Variants in FGF12 observed in about 807,000 individuals in gnomAD.
FGF12 encodes fibroblast growth factor 12.
In FGF12, 14 loss-of-function variants were observed where a neutral mutation model predicts 23.6. That is an observed-to-expected ratio of 0.59 (90% CI 0.39 to 0.93). The LOEUF (loss-of-function observed/expected upper bound fraction) is 0.93, where lower values mean the gene tolerates loss of function less well. Ranked by LOEUF, FGF12 falls within the 40% of genes least tolerant of loss-of-function variation. The pLI is 0.00. For synonymous variants in FGF12, 62 were observed against 77.3 expected (o/e 0.80, Z 1.04); for missense variants, 175 against 217.8 (o/e 0.80, Z 1.24).
At chr3:192,260,682 G>A (rs980650759) in intron 4 of FGF12, among the ~76,000 whole-genome samples, 5 of 152,170 alleles carry the variant, frequency 3.3e-5, no homozygotes, top group African/African-American at 4.8e-5. Context: ...GATTTCTCCA[G>A]AGAAAGTTAT....
intron 2 of FGF12, among the ~76,000 whole-genome samples, chr3:192,661,220 C>CACTAT (rs1235710460): frequency 1.3e-5 from 2 of 152,058 alleles, no homozygotes; most frequent in Admixed American, 1.3e-4. Context: ...ACAAAACTGG[C>CACTAT]ACTATAAAAA....
chr3:192,220,812 T>C (rs1194421687), intron 4 of FGF12, among the ~76,000 whole-genome samples: 2 of 152,234 alleles, frequency 1.3e-5, no homozygotes, highest in East Asian at 1.9e-4. Flanking sequence ...TTGAAGGATT[T>C]TTGAACAAAT....
intron 2 of FGF12, among the ~76,000 whole-genome samples, chr3:192,521,874 T>A (rs1724821992): frequency 6.6e-6 from 1 of 152,194 alleles, no homozygotes; most frequent in Non-Finnish European, 1.5e-5. Context: ...ATCTTTTATG[T>A]TTGTATATCT....
intron 4 of FGF12, among the ~76,000 whole-genome samples, chr3:192,275,589 G>T (rs567820514): frequency 1.3e-5 from 2 of 152,126 alleles, no homozygotes; most frequent in Admixed American, 6.5e-5. Flanking sequence ...TTGTGAAGGT[G>T]GTGTTTTCTA....
At chr3:192,397,336 C>T (rs781679359) in intron 2 of FGF12, among the ~76,000 whole-genome samples, 10 of 152,062 alleles carry the variant, frequency 6.6e-5, no homozygotes, top group Non-Finnish European at 1.3e-4. Context: ...TCTACTTTCC[C>T]GAAAAGAAAA....
chr3:192,683,431 G>GCCACCA (rs1717616192), intron 2 of FGF12, among the ~76,000 whole-genome samples: 3 of 152,166 alleles, frequency 2.0e-5, no homozygotes, highest in South Asian at 2.1e-4. Flanking sequence ...TGCTGTGGTG[G>GCCACCA]CAGCATCGGT....
chr3:192,358,102 T>C (rs1008064269), intron 3 of FGF12, among the ~76,000 whole-genome samples: 45 of 151,974 alleles, frequency 3.0e-4, no homozygotes, highest in Non-Finnish European at 5.9e-5. Context: ...TTCTAACTTA[T>C]AAAATATTTT....
intron 2 of FGF12, among the ~76,000 whole-genome samples, chr3:192,413,970 T>G (rs1459759891): frequency 6.6e-6 from 1 of 152,176 alleles, no homozygotes; most frequent in Admixed American, 6.5e-5. Context: ...AATTTGTAAA[T>G]TCCTTTATAT....
At chr3:192,244,094 G>C (rs1719761686) in intron 4 of FGF12, among the ~76,000 whole-genome samples, 1 of 151,974 alleles carries the variant, frequency 6.6e-6, no homozygotes, top group Non-Finnish European at 1.5e-5. Context: ...AGAAAAATTG[G>C]CACTGTCGTG....
At chr3:192,362,603 T>C (rs1049237167) in intron 2 of FGF12, among the ~76,000 whole-genome samples, 3 of 152,218 alleles carry the variant, frequency 2.0e-5, no homozygotes, top group Non-Finnish European at 4.4e-5. Flanking sequence ...CCTCAAATGC[T>C]GTGTGGCCCC....
chr3:192,383,571 GAGA>G (rs1719918971), intron 2 of FGF12, among the ~76,000 whole-genome samples: 1 of 149,222 alleles, frequency 6.7e-6, no homozygotes, highest in African/African-American at 2.5e-5. Flanking sequence ...ATAAGTAATA[GAGA>G]AGACCACACT....
intron 2 of FGF12, among the ~76,000 whole-genome samples, chr3:192,702,431 T>C (rs1392710634): frequency 3.3e-5 from 5 of 152,250 alleles, no homozygotes; most frequent in South Asian, 2.1e-4. Flanking sequence ...CTACATTATG[T>C]AAGTTGAAAA....
rs75583662 is a variant in FGF12 at position 192,323,354 on chromosome 3, T to C, written c.228+12007A>G. Among the ~76,000 whole-genome samples the C allele has an allele frequency of 1.1e-3, 163 of 152,338 alleles. 1 individual carries two copies. Among genetic ancestry groups the C allele is most frequent in the African/African-American group, 3.8e-3 (156 of 41,580 alleles). On this transcript the variant is annotated intron_variant, in intron 4 of 5. Transcript: ENST00000445105. ...GAATAGATAAAGAAGATATGGTATA[T>C]ATGCCCAATGGAATATTATCCAGCC...
chr3:192,708,281 G>A (rs888439659), intron 2 of FGF12, among the ~76,000 whole-genome samples: 30 of 152,048 alleles, frequency 2.0e-4, no homozygotes, highest in African/African-American at 7.2e-4. Context: ...TATTTAGAGG[G>A]CTCTAACAGC....
At chr3:192,237,731 G>T (rs76651061) in intron 4 of FGF12, among the ~76,000 whole-genome samples, 1,931 of 152,064 alleles carry the variant, frequency 0.013, 35 homozygotes, top group East Asian at 0.051. Flanking sequence ...TTCAACTCTT[G>T]GACTGTTTCA....
intron 2 of FGF12, among the ~76,000 whole-genome samples, chr3:192,432,857 G>A (rs959685204): frequency 6.6e-6 from 1 of 152,094 alleles, no homozygotes; most frequent in Non-Finnish European, 1.5e-5. Context: ...TGAGATATGA[G>A]CATGTGTTGT....
At chr3:192,685,355 A>T (rs1717694008) in intron 2 of FGF12, among the ~76,000 whole-genome samples, 1 of 152,156 alleles carries the variant, frequency 6.6e-6, no homozygotes, top group Admixed American at 6.5e-5. Flanking sequence ...CTGGCCTACA[A>T]AGTTAATATC....
rs187099394 is a variant in FGF12 at position 192,377,741 on chromosome 3, T to C, written c.14-17203A>G. Among the ~76,000 whole-genome samples, 62 of 152,302 alleles carry C rather than the reference T, an allele frequency of 4.1e-4. 1 individual carries two copies. Among genetic ancestry groups the C allele is most frequent in the African/African-American group, 1.4e-3 (59 of 41,574 alleles). ...GTGAGAGTCTCCCAGGGCCAGACAC[T>C]ATGCAAGGAGCTTGGGATACAATAG... On this transcript the variant is annotated intron_variant, in intron 2 of 5. Coordinates refer to ENST00000445105, the MANE Select transcript of FGF12 (RefSeq NM_004113.6).
chr3:192,515,838 T>TTG (rs1724651667), intron 2 of FGF12, among the ~76,000 whole-genome samples: 1 of 151,248 alleles, frequency 6.6e-6, no homozygotes, highest in Non-Finnish European at 1.5e-5. Flanking sequence ...TTGACTCTTT[T>TTG]TTTTTTTCTT....
Sources: gnomAD v4.1 joint callset for allele counts (sites outside exome capture counted in the v4.1 genomes callset) on GRCh38, gnomAD v4.1.1 for gene constraint, MANE v1.5 for transcripts, NCBI Gene and HGNC (gene_info 2026-07-23, HGNC 2026-07-21) for gene names.